IL19: variants seen among roughly 807,000 people sequenced by gnomAD.
The protein encoded by IL19 is interleukin 19.
A neutral mutation model predicts 19.5 loss-of-function variants in IL19; 15 were observed. The observed-to-expected ratio is 0.77, with a 90% CI of 0.52 to 1.19. The LOEUF is 1.19. Ranked by LOEUF, IL19 falls within the 50% of genes most tolerant of loss-of-function variation. The pLI, the probability that IL19 is intolerant of heterozygous loss-of-function variation, is 0.00. For synonymous variants in IL19, 78 were observed against 78.3 expected (o/e 1.00, Z 0.02); for missense variants, 199 against 213.1 (o/e 0.93, Z 0.41).
intron 5 of IL19, chr1:206,840,752 G>A (rs1265349216): frequency 2.0e-6 from 1 of 500,328 alleles, no homozygotes; most frequent in African/African-American, 1.9e-5. Context: ...TGATAAGACA[G>A]ATATGGTGCC....
chr1:206,799,292 T>C (rs1386801327), intron 2 of IL19, among the ~76,000 whole-genome samples: 1 of 152,150 alleles, frequency 6.6e-6, no homozygotes, highest in East Asian at 1.9e-4. Flanking sequence ...GCTCCCATAC[T>C]GGTCATGGCC....
intron 5 of IL19, 42 bp from the exon 6 acceptor site, chr1:206,840,962 T>C: frequency 6.5e-7 from 1 of 1,537,078 alleles, no homozygotes. Flanking sequence ...AGGGCCAGAG[T>C]GGAAATGTCC....
At chr1:206,827,856 A>G (rs1676481135) in intron 2 of IL19, among the ~76,000 whole-genome samples, 1 of 152,186 alleles carries the variant, frequency 6.6e-6, no homozygotes, top group African/African-American at 2.4e-5. Flanking sequence ...CAGCTGTACC[A>G]CACCCCACCT....
In IL19 at chr1:206,833,579, C is replaced by T. The variant is rs955568899; in HGVS notation, c.-2-3082C>T. 4.1e-6 allele frequency: 3 copies of T among 735,136 alleles called. No homozygotes were observed. The Admixed American group carries it at 1.9e-4, about 46-fold the overall frequency. The allele number at this position is 735,136 out of a possible 1,614,324, so 45.5% of individuals were successfully genotyped here. ...TACCCTATCTTTTCATTGCCCCAAA[C>T]CTGATCCCTAGAGAACTTCTTGGTA... is the stretch of plus-strand genomic sequence containing the variant. On this transcript the variant is annotated intron_variant, in intron 2 of 6. Transcript: ENST00000659997.
At chr1:206,827,113 T>A (rs934223701) in intron 2 of IL19, among the ~76,000 whole-genome samples, 2 of 152,126 alleles carry the variant, frequency 1.3e-5, no homozygotes, top group African/African-American at 2.4e-5. Context: ...TAACCTTCCA[T>A]TGGGGTAAGC....
At chr1:206,787,631 G>C (rs1022385304) in intron 1 of IL19, among the ~76,000 whole-genome samples, 1 of 152,166 alleles carries the variant, frequency 6.6e-6, no homozygotes, top group African/African-American at 2.4e-5. Context: ...CTTGATTTCT[G>C]TCTCTGTGAA....
chr1:206,832,038 C>T (rs1371310748), intron 2 of IL19, among the ~76,000 whole-genome samples: 5 of 152,198 alleles, frequency 3.3e-5, no homozygotes, highest in Admixed American at 6.5e-5. Context: ...AGAGGGACTC[C>T]GAGCCAGGCA....
intron 2 of IL19, among the ~76,000 whole-genome samples, chr1:206,813,003 CT>C (rs1412214187): frequency 6.6e-6 from 1 of 152,098 alleles, no homozygotes; most frequent in Non-Finnish European, 1.5e-5. Context: ...TGATGCTCGC[CT>C]GTTTTATATG....
chr1:206,820,269 A>C (rs1287323235), intron 2 of IL19, among the ~76,000 whole-genome samples: 1 of 152,224 alleles, frequency 6.6e-6, no homozygotes, highest in Non-Finnish European at 1.5e-5. Context: ...GTGGTCGGCT[A>C]TCAGAAACCC....
chr1:206,783,312 A>C (rs950972166), intron 1 of IL19, among the ~76,000 whole-genome samples: 2 of 152,242 alleles, frequency 1.3e-5, no homozygotes, highest in Non-Finnish European at 2.9e-5. Flanking sequence ...AAGGAGGCCC[A>C]ACAAGGTTCT....
intron 1 of IL19, among the ~76,000 whole-genome samples, chr1:206,781,563 C>G (rs1416379330): frequency 6.6e-6 from 1 of 151,858 alleles, no homozygotes; most frequent in East Asian, 1.9e-4. Flanking sequence ...CCCCATACTC[C>G]GTGTGTTTTG....
chr1:206,789,923 A>C (rs1434066746), intron 1 of IL19, among the ~76,000 whole-genome samples: 3 of 151,972 alleles, frequency 2.0e-5, no homozygotes, highest in Non-Finnish European at 4.4e-5. Flanking sequence ...TTTTTTCACT[A>C]ATTTGTTGGT....
chr1:206,793,840 G>A (rs893793415), intron 1 of IL19, among the ~76,000 whole-genome samples: 1 of 152,198 alleles, frequency 6.6e-6, no homozygotes, highest in African/African-American at 2.4e-5. Context: ...AGTGATTAAT[G>A]GCATCATCTG....
intron 2 of IL19, among the ~76,000 whole-genome samples, chr1:206,820,043 A>G (rs891274436): frequency 2.0e-5 from 3 of 152,016 alleles, no homozygotes; most frequent in Non-Finnish European, 4.4e-5. Flanking sequence ...TCAACCATGG[A>G]GTCTTATATT....
In IL19 at chr1:206,841,088, G is replaced by T. The variant is rs768725548; in HGVS notation, c.438+10G>T. ...TGACAACTATGATCAGGTAAGATCT[G>T]GGAAGAGGTTGGGGAAGATGGAAGA... is the stretch of plus-strand genomic sequence containing the variant. On this transcript the variant is annotated intron_variant, in intron 6 of 6. Coordinates refer to ENST00000659997, the MANE Select transcript of IL19 (RefSeq NM_153758.5). 5 of 1,611,944 alleles carry T rather than the reference G, an allele frequency of 3.1e-6. No individual in the cohort carries two copies. The African/African-American group carries it at 6.7e-5, about 22-fold the overall frequency.
At chr1:206,772,042 G>A (rs151283261) in intron 1 of IL19, among the ~76,000 whole-genome samples, 80 of 152,338 alleles carry the variant, frequency 5.3e-4, no homozygotes, top group Admixed American at 1.4e-3. Flanking sequence ...GAGAGAGAAC[G>A]CATTTACTTT....
intron 2 of IL19, chr1:206,833,882 C>A (rs867999772): frequency 8.1e-6 from 8 of 985,500 alleles, no homozygotes; most frequent in Non-Finnish European, 9.6e-6. Flanking sequence ...TAGCACCTGG[C>A]ACATGGCAGA....
intron 2 of IL19, among the ~76,000 whole-genome samples, 195 bp downstream of exon 2, chr1:206,799,201 T>C (rs1261658099): frequency 6.6e-6 from 1 of 152,016 alleles, no homozygotes; most frequent in Non-Finnish European, 1.5e-5. Flanking sequence ...GTCACCATAC[T>C]GGAGATGCTG....
At chr1:206,795,925 ATATGTGTGTGTGTG>A (rs1287613927) in intron 1 of IL19, among the ~76,000 whole-genome samples, 17 of 132,242 alleles carry the variant, frequency 1.3e-4, no homozygotes, top group Admixed American at 6.5e-4. Flanking sequence ...ATAAATATAT[ATATGTGTGTGTGTG>A]TGTGTGTGTG....
Sources: allele counts gnomAD v4.1 joint callset (sites outside exome capture counted in the v4.1 genomes callset), GRCh38; gene constraint gnomAD v4.1.1; transcripts MANE v1.5; gene names NCBI Gene and HGNC (gene_info 2026-07-23, HGNC 2026-07-21).